Variants in PIK3C2B observed in about 807,000 individuals in gnomAD.
PIK3C2B encodes the protein phosphatidylinositol 4-phosphate 3-kinase C2 domain-containing subunit beta.
In PIK3C2B, 83 loss-of-function variants were observed where a neutral mutation model predicts 184.3. The observed-to-expected ratio is 0.45, with a 90% confidence interval of 0.38 to 0.54. PIK3C2B has a LOEUF of 0.54. Ranked by LOEUF, PIK3C2B falls within the 20% of genes least tolerant of loss-of-function variation. PIK3C2B has a pLI of 0.00. For missense variants in PIK3C2B, 1,736 were observed against 2,113.5 expected (o/e 0.82, Z 3.50); for synonymous variants, 779 against 837.6 (o/e 0.93, Z 1.21).
intron 2 of PIK3C2B, among the ~76,000 whole-genome samples, chr1:204,467,760 G>A (rs1012977058): frequency 1.1e-4 from 16 of 146,520 alleles, no homozygotes; most frequent in East Asian, 4.1e-4. Context: ...TCTTGAACCC[G>A]GGAGGCAGAG....
rs1380066201 is a variant in PIK3C2B, at chr1:204,441,368, G to A, written c.3249+103C>T. ...ATCTTTCCTACATTAAGACAGCATG[G>A]AACAGTGGGAAGAGAACCACCCAGG... On this transcript the variant is annotated intron_variant, in intron 21 of 32. Transcript: ENST00000684373. 7.3e-6 allele frequency: 5 copies of A among 686,658 alleles called. No homozygotes were observed. In the East Asian group the frequency reaches 1.3e-4, roughly 17 times the overall value. 42.5% of individuals were successfully genotyped at this position (686,658 alleles called of 1,614,324 possible).
intron 28 of PIK3C2B, among the ~76,000 whole-genome samples, chr1:204,430,889 G>A (rs575192256): frequency 2.6e-5 from 4 of 151,880 alleles, no homozygotes; most frequent in South Asian, 2.1e-4. Context: ...CCTGACCTCA[G>A]GCAATCTGCC....
Position 204,457,894 on chromosome 1 carries a change from G to A in PIK3C2B, c.1567-20C>T, listed in dbSNP as rs762943025. The A allele has an allele frequency of 7.5e-6, 12 of 1,609,194 alleles. No individual in the cohort carries two copies. Among genetic ancestry groups the A allele is most frequent in the Non-Finnish European group, 9.3e-6 (11 of 1,178,890 alleles). On this transcript the variant is annotated intron_variant, in intron 8 of 32. Transcript: ENST00000684373. ...GTCTCCCTGTGGGAGGTGGCACAGTGAGGCTGGCAGGCTCTGCTCTCATGC... is the reference window on the plus strand; with the variant it reads ...GTCTCCCTGTGGGAGGTGGCACAGTAAGGCTGGCAGGCTCTGCTCTCATGC...
intron 1 of PIK3C2B, among the ~76,000 whole-genome samples, chr1:204,492,658 A>G (rs750225155): frequency 3.3e-5 from 5 of 152,174 alleles, no homozygotes. Flanking sequence ...CCACCAAGGA[A>G]GTCCAAAGGA....
In PIK3C2B at chr1:204,425,718, G is replaced by A; in HGVS notation, c.4611C>T (p.Asp1537=). ...GGTAAATTTTCACATAGGGGTCAGG[G>A]TCATTTCCATCCTGGAGCAGTTGCT... ...RGLQLLQDGN[D]PDPYVKIYLL... is the part of the protein sequence containing the mutation. Residue 1537 remains aspartate, a synonymous_variant, in exon 32 of 33, where the codon GAC becomes GAT. Transcript: ENST00000684373. 6.2e-7 allele frequency: 1 copy of A among 1,613,822 alleles called. No homozygotes were observed. The highest frequency in any genetic ancestry group is 8.5e-7 in the Non-Finnish European group (1 of 1,179,850).
intron 12 of PIK3C2B, 98 bp downstream of exon 12, chr1:204,454,571 A>G: frequency 8.0e-7 from 1 of 1,249,908 alleles, no homozygotes. Flanking sequence ...GCCTGGTTTT[A>G]TCATTAGTCC....
chr1:204,432,230 A>T lies in PIK3C2B; in HGVS notation c.4125T>A (p.His1375Gln). 6.2e-7 allele frequency: 1 copy of T among 1,614,124 alleles called. No homozygotes were observed. The change falls in exon 27 of 33, where the codon CAT (histidine) becomes CAA (glutamine). Residue 1375 changes from histidine (H) to glutamine (Q), a missense_variant. Physicochemically the swap from His to Gln is conservative, Grantham distance 24. This residue lies in a region of PIK3C2B where 200 missense variants were observed against 199.1 expected (regional missense o/e 1.00). Transcript: ENST00000684373. ...GRISDVFLCR[H>Q]EKIFHPNKGY... Reference sequence around the variant, plus strand: ...CTTTGTTGGGGTGGAAGATCTTCTCATGGCGGCAGAGGAAAACATCACTGA... The same window carrying T: ...CTTTGTTGGGGTGGAAGATCTTCTCTTGGCGGCAGAGGAAAACATCACTGA...
Position 204,459,960 on chromosome 1 carries a change from G to GA in PIK3C2B, c.1503-20dup, listed in dbSNP as rs1271092707. The GA allele has an allele frequency of 2.5e-6, 4 of 1,610,858 alleles. No homozygotes were observed. The African/African-American group carries it at 5.3e-5, about 22-fold the overall frequency. ...GGCCTGCCTGGGAGTTGGGGGCAGG[G>GA]AAAAACCACAGGAGAGGTCATGAAA... On this transcript the variant is annotated intron_variant, in intron 7 of 32. Transcript: ENST00000684373.
At position 204,449,271 on chromosome 1, in the gene PIK3C2B, G is replaced by A; in HGVS notation, c.2260C>T (p.Leu754=). 3 of 1,612,232 alleles carry A rather than the reference G, an allele frequency of 1.9e-6. No homozygotes were observed. Among genetic ancestry groups the A allele is most frequent in the Non-Finnish European group, 2.5e-6 (3 of 1,179,338 alleles). Residue 754 remains leucine (L), a synonymous_variant, in exon 14 of 33, where the codon CTG becomes TTG. Transcript: ENST00000684373. ...TCCTGTGTTGCTGGCCACAAACCCA[G>A]AAGCTTCCGGCCACAGGTCAGGACC... is the stretch of plus-strand genomic sequence containing the variant. ...RQVLTCGRKL[L]GLWPATQENP...
intron 15 of PIK3C2B, 93 bp from the exon 16 acceptor site, chr1:204,446,237 G>T: frequency 1.2e-6 from 1 of 834,626 alleles, no homozygotes; most frequent in Non-Finnish European, 1.8e-6. Context: ...TTACCCTCAA[G>T]GGAGTGCTGC....
chr1:204,465,123 G>T (rs1242767173), intron 3 of PIK3C2B, 96 bp downstream of exon 3: 9 of 753,772 alleles, frequency 1.2e-5, no homozygotes, highest in Non-Finnish European at 1.9e-5. Context: ...ACTTATTATG[G>T]TGCTTCTTCC....
intron 5 of PIK3C2B, among the ~76,000 whole-genome samples, chr1:204,461,518 G>A (rs1655334152): frequency 6.6e-6 from 1 of 152,184 alleles, no homozygotes; most frequent in Non-Finnish European, 1.5e-5. Context: ...CAGCAGAGCT[G>A]GGAATCTAGG....
At chr1:204,464,236 C>T in intron 4 of PIK3C2B, 104 bp from the exon 5 acceptor site, 6 of 1,336,434 alleles carry the variant, frequency 4.5e-6, no homozygotes, top group Non-Finnish European at 6.3e-6. Flanking sequence ...TTCTCCAGCA[C>T]CATCACCAAC....
At chr1:204,428,740 C>T (rs980956123) in intron 29 of PIK3C2B, among the ~76,000 whole-genome samples, 1 of 152,090 alleles carries the variant, frequency 6.6e-6, no homozygotes, top group Non-Finnish European at 1.5e-5. Flanking sequence ...GCCTCGGCCT[C>T]CCAAAGTGCT....
In PIK3C2B at chr1:204,472,383, T is replaced by C. The variant is rs1449712686; in HGVS notation, c.-84-2497A>G. On this transcript the variant is annotated intron_variant, in intron 1 of 32. Transcript: ENST00000684373. Reference sequence around the variant, plus strand: ...TTTCACCGTGTTAGCCAGGATGGTCTTGATCTCCTGACCTCGTGATCCACC... The same window carrying C: ...TTTCACCGTGTTAGCCAGGATGGTCCTGATCTCCTGACCTCGTGATCCACC... Among the ~76,000 whole-genome samples, 3 of 152,026 alleles carry C rather than the reference T, an allele frequency of 2.0e-5. No individual in the cohort carries two copies. In the East Asian group the frequency reaches 5.9e-4, roughly 30 times the overall value.
At chr1:204,492,262 C>T (rs1426479780) in intron 1 of PIK3C2B, among the ~76,000 whole-genome samples, 1 of 152,182 alleles carries the variant, frequency 6.6e-6, no homozygotes, top group East Asian at 1.9e-4. Context: ...GCCATGGCTA[C>T]TCCCCCACCT....
At chr1:204,448,031 T>C (rs1332890833) in intron 14 of PIK3C2B, among the ~76,000 whole-genome samples, 2 of 152,238 alleles carry the variant, frequency 1.3e-5, no homozygotes, top group Non-Finnish European at 2.9e-5. Context: ...CAGATGTTCA[T>C]CCTACTAAAG....
chr1:204,468,123 T>C (rs1448334368), intron 2 of PIK3C2B, among the ~76,000 whole-genome samples: 1 of 152,166 alleles, frequency 6.6e-6, no homozygotes, highest in Non-Finnish European at 1.5e-5. Context: ...GAGAAGAGAA[T>C]GAGTAGAGAT....
intron 28 of PIK3C2B, among the ~76,000 whole-genome samples, chr1:204,431,082 T>G (rs1359064149): frequency 6.6e-6 from 1 of 152,230 alleles, no homozygotes; most frequent in Non-Finnish European, 1.5e-5. Context: ...ATCGCCACTA[T>G]CCAACTTCAT....
Sources: allele counts gnomAD v4.1 joint callset (sites outside exome capture counted in the v4.1 genomes callset), GRCh38; gene constraint gnomAD v4.1.1; regional missense constraint gnomAD v4.1.1; transcripts MANE v1.5; gene names NCBI Gene and HGNC (gene_info 2026-07-23, HGNC 2026-07-21).